The following RNLS variants were observed in gnomAD, a reference collection of about 807,000 sequenced individuals.
RNLS encodes the protein renalase, FAD dependent amine oxidase, also known as renalase.
RNLS carries 39 observed loss-of-function variants against 39.8 expected under a neutral mutation model. The observed-to-expected ratio is 0.98, with a 90% CI of 0.76 to 1.28. RNLS has a LOEUF of 1.28. Ranked by LOEUF, RNLS falls within the 50% of genes most tolerant of loss-of-function variation. RNLS has a pLI of 0.00. For missense variants in RNLS, 410 were observed against 413.3 expected, an observed-to-expected ratio of 0.99 and a Z score of 0.07; for synonymous variants, 147 against 150.7, an observed-to-expected ratio of 0.98 and a Z score of 0.18.
intron 4 of RNLS, among the ~76,000 whole-genome samples, chr10:88,500,484 A>G (rs1180226536): frequency 6.6e-6 from 1 of 152,144 alleles, no homozygotes; most frequent in Non-Finnish European, 1.5e-5. Context: ...GGGGTTGTGA[A>G]CGTTTCTCTA....
At chr10:88,459,032 C>T (rs1266022825) in intron 4 of RNLS, among the ~76,000 whole-genome samples, 1 of 152,000 alleles carries the variant, frequency 6.6e-6, no homozygotes, top group Admixed American at 6.6e-5. Flanking sequence ...TTTTCATAAA[C>T]CACAAAACCA....
chr10:88,506,279 T>G (rs1159929952), intron 4 of RNLS, among the ~76,000 whole-genome samples: 2 of 152,164 alleles, frequency 1.3e-5, no homozygotes, highest in Non-Finnish European at 2.9e-5. Flanking sequence ...GAGTAGATTT[T>G]AATTGGATCC....
the RNLS span, among the ~76,000 whole-genome samples, chr10:88,173,804 A>T: frequency 6.6e-6 from 1 of 152,258 alleles, no homozygotes; most frequent in East Asian, 1.9e-4. Flanking sequence ...TTTAAAAAAA[A>T]ATTATGTCCA....
chr10:88,313,560 T>G (rs1032319351), intron 6 of RNLS, among the ~76,000 whole-genome samples: 3 of 152,212 alleles, frequency 2.0e-5, no homozygotes, highest in Non-Finnish European at 4.4e-5. Flanking sequence ...GCTACAATAT[T>G]TTAGGAAATA....
At chr10:88,552,781 A>G (rs1283988944) in intron 4 of RNLS, among the ~76,000 whole-genome samples, 1 of 152,174 alleles carries the variant, frequency 6.6e-6, no homozygotes, top group Non-Finnish European at 1.5e-5. Flanking sequence ...AATGTATTCT[A>G]TTGTATATGC....
chr10:88,447,138 A>T (rs1320523405), intron 4 of RNLS, among the ~76,000 whole-genome samples: 2 of 152,138 alleles, frequency 1.3e-5, no homozygotes, highest in Non-Finnish European at 2.9e-5. Flanking sequence ...TTCCTATTCA[A>T]CACAGTGTTG....
chr10:88,314,777 A>C (rs1814169026), intron 5 of RNLS, 136 bp from the exon 6 acceptor site: 2 of 702,644 alleles, frequency 2.8e-6, no homozygotes, highest in South Asian at 5.8e-5. Context: ...TCTAATCTCT[A>C]AAGCATAAAT....
the RNLS span, among the ~76,000 whole-genome samples, chr10:88,245,861 G>C: frequency 6.6e-6 from 1 of 152,130 alleles, no homozygotes; most frequent in Non-Finnish European, 1.5e-5. Context: ...TGGAAATCAC[G>C]TAACAGGCAA....
chr10:88,543,287 T>C (rs1365336000), intron 4 of RNLS, among the ~76,000 whole-genome samples: 3 of 152,106 alleles, frequency 2.0e-5, no homozygotes, highest in Admixed American at 2.0e-4. Flanking sequence ...CAGCTCCCAG[T>C]GTTCCCATCC....
intron 3 of RNLS, among the ~76,000 whole-genome samples, chr10:88,573,619 G>A (rs1017301907): frequency 6.6e-6 from 1 of 152,122 alleles, no homozygotes. Flanking sequence ...TAGATCAATT[G>A]TCTTCATTAA....
chr10:88,361,695 G>A (rs1849657120), intron 5 of RNLS, among the ~76,000 whole-genome samples: 1 of 152,154 alleles, frequency 6.6e-6, no homozygotes, highest in African/African-American at 2.4e-5. Flanking sequence ...AAGGTCTGGC[G>A]AGCCAAGAGA....
At position 88,480,325 on chromosome 10, in the gene RNLS, A is replaced by G. The variant is rs540168434; in HGVS notation, c.526+92578T>C. 3.3e-4 allele frequency among the ~76,000 whole-genome samples: 50 copies of G among 152,322 alleles called. 1 individual carries two copies. Among genetic ancestry groups the G allele is most frequent in the African/African-American group, 1.0e-3 (43 of 41,580 alleles). On this transcript the variant is annotated intron_variant, in intron 4 of 6. Coordinates refer to ENST00000331772, the MANE Select transcript of RNLS (RefSeq NM_001031709.3). ...ACCTCTGATAATTACCCCTTAGGGG[A>G]AATCTTTAGTCTAATTTATTGTTTC... is the stretch of plus-strand genomic sequence containing the variant.
chr10:88,282,568 C>A (rs1843059056), downstream of RNLS, among the ~76,000 whole-genome samples: 1 of 150,554 alleles, frequency 6.6e-6, no homozygotes, highest in African/African-American at 2.4e-5. Context: ...TAAAATTGAC[C>A]CTGTTCTCTT....
chr10:88,224,210 G>A, the RNLS span, among the ~76,000 whole-genome samples: 2 of 152,168 alleles, frequency 1.3e-5, no homozygotes, highest in Non-Finnish European at 2.9e-5. Flanking sequence ...CAAGGTGGCG[G>A]TAGGTTCAGT....
intron 4 of RNLS, among the ~76,000 whole-genome samples, chr10:88,527,174 G>A (rs747477662): frequency 1.3e-5 from 2 of 152,122 alleles, no homozygotes; most frequent in Non-Finnish European, 2.9e-5. Flanking sequence ...AAAGTCTACA[G>A]ACATAATGGA....
At chr10:88,489,676 T>C (rs145420192) in intron 4 of RNLS, among the ~76,000 whole-genome samples, 83 of 152,344 alleles carry the variant, frequency 5.4e-4, no homozygotes, top group African/African-American at 2.0e-3. Flanking sequence ...GCCACATCAA[T>C]GCATCAGTCC....
At chr10:88,365,382 T>G (rs200443195) in intron 4 of RNLS, among the ~76,000 whole-genome samples, 1 of 151,482 alleles carries the variant, frequency 6.6e-6, no homozygotes, top group East Asian at 1.9e-4. Flanking sequence ...AGCAAAACAA[T>G]ATTCTTTCTT....
chr10:88,309,455 C>T (rs1018626729), intron 6 of RNLS: 15 of 1,289,772 alleles, frequency 1.2e-5, no homozygotes, highest in Non-Finnish European at 1.3e-5. Flanking sequence ...TGTGCACATC[C>T]ACTTCCCCCA....
chr10:88,473,783 C>T (rs912008943), intron 4 of RNLS, among the ~76,000 whole-genome samples: 2 of 152,196 alleles, frequency 1.3e-5, no homozygotes, highest in South Asian at 2.1e-4. Flanking sequence ...TTGCAATTGA[C>T]AGGTCAGGGC....
Sources: allele counts gnomAD v4.1 joint callset (sites outside exome capture counted in the v4.1 genomes callset), GRCh38; gene constraint gnomAD v4.1.1; transcripts MANE v1.5; gene names NCBI Gene and HGNC (gene_info 2026-07-23, HGNC 2026-07-21).